NPHP4: variants seen among roughly 807,000 people sequenced by gnomAD.
NPHP4 encodes nephrocystin-4.
Under a neutral mutation model 155.8 loss-of-function variants are expected in NPHP4, and 151 were observed. That is an observed-to-expected ratio of 0.97 (90% confidence interval 0.85 to 1.11). NPHP4 has a LOEUF of 1.11. Ranked by LOEUF, NPHP4 falls within the 50% of genes least tolerant of loss-of-function variation. NPHP4 has a pLI of 0.00. For missense variants in NPHP4, 1,956 were observed against 1,925.7 expected (o/e 1.02, Z -0.29); for synonymous variants, 845 against 816.8 (o/e 1.03, Z -0.59).
At chr1:5,966,517 G>A (rs1450354310) in intron 5 of NPHP4, among the ~76,000 whole-genome samples, 2 of 152,178 alleles carry the variant, frequency 1.3e-5, no homozygotes, top group African/African-American at 4.8e-5. Flanking sequence ...AAAGTGCTGA[G>A]ATTACAAGCC....
chr1:5,923,501 T>C (rs368372673), intron 11 of NPHP4, among the ~76,000 whole-genome samples: 1 of 152,246 alleles, frequency 6.6e-6, no homozygotes, highest in Admixed American at 6.5e-5. Flanking sequence ...TAGCATTCAG[T>C]AGAGCGCGGA....
chr1:5,869,002 C>T (rs1445312071), intron 23 of NPHP4, among the ~76,000 whole-genome samples: 8 of 139,398 alleles, frequency 5.7e-5, no homozygotes, highest in Admixed American at 1.4e-4. Context: ...TGCACACACA[C>T]GCACCCATAC....
chr1:5,961,105 G>A (rs1199403093), intron 6 of NPHP4, among the ~76,000 whole-genome samples: 1 of 152,218 alleles, frequency 6.6e-6, no homozygotes, highest in East Asian at 1.9e-4. Flanking sequence ...CTCTTAGGAT[G>A]AACTAACAGA....
At chr1:5,935,641 G>A (rs903598973) in intron 9 of NPHP4, among the ~76,000 whole-genome samples, 8 of 152,214 alleles carry the variant, frequency 5.3e-5, no homozygotes, top group East Asian at 1.9e-4. Context: ...TTGGGAGGTC[G>A]AGGCGGGTGG....
intron 17 of NPHP4, 98 bp from the exon 18 acceptor site, chr1:5,887,564 C>T: frequency 7.5e-7 from 1 of 1,330,600 alleles, no homozygotes; most frequent in Non-Finnish European, 1.0e-6. Context: ...AGCAGGAAAG[C>T]CACTGTGGGC....
intron 12 of NPHP4, among the ~76,000 whole-genome samples, chr1:5,908,673 G>A (rs1245224928): frequency 3.3e-5 from 5 of 152,322 alleles, no homozygotes; most frequent in Non-Finnish European, 7.4e-5. Context: ...GCGGTCGGAC[G>A]TGCAACTGCC....
At chr1:5,950,649 G>A (rs1277939554) in intron 7 of NPHP4, among the ~76,000 whole-genome samples, 4 of 152,080 alleles carry the variant, frequency 2.6e-5, no homozygotes, top group Non-Finnish European at 4.4e-5. Flanking sequence ...CTGCCTCCAC[G>A]AGAGCAAGCC....
intron 28 of NPHP4, 109 bp from the exon 29 acceptor site, chr1:5,864,142 A>C (rs1396424432): frequency 7.6e-6 from 10 of 1,324,046 alleles, no homozygotes; most frequent in East Asian, 7.5e-5. Context: ...GGGGACCCCC[A>C]CAGAGATAAG....
intron 7 of NPHP4, 46 bp downstream of exon 7, chr1:5,952,654 C>G: frequency 7.0e-7 from 1 of 1,425,834 alleles, no homozygotes; most frequent in Non-Finnish European, 9.4e-7. Context: ...GGGTCCCACC[C>G]CTGCCTGGCC....
Position 5,927,782 on chromosome 1 carries a change from C to A in NPHP4, c.1308G>T (p.Lys436Asn), listed in dbSNP as rs1248411079. 3 of 1,609,712 alleles carry A rather than the reference C, an allele frequency of 1.9e-6. No homozygotes were observed. Among genetic ancestry groups the A allele is most frequent in the African/African-American group, 1.3e-5 (1 of 74,842 alleles). Residue 436 changes from lysine to asparagine, a missense_variant, in exon 11 of 30, where the codon AAG (lysine) becomes AAT (asparagine). By Grantham distance (94) the Lys-to-Asn change is moderately conservative. Transcript: ENST00000378156. The stretch of plus-strand genomic sequence containing the variant: ...ACCGGAGTGTACCCGACTCCACCTG[C>A]TTCACCTGCAATGGACCAGAAGAGC... ...PSASMSSEEVKQVESGTLRFQ... is the reference protein window; with the variant it reads ...PSASMSSEEVNQVESGTLRFQ...
intron 3 of NPHP4, among the ~76,000 whole-genome samples, chr1:5,975,837 T>C (rs1653457715): frequency 1.3e-5 from 2 of 152,124 alleles, no homozygotes; most frequent in African/African-American, 4.8e-5. Flanking sequence ...GAGAGAGGCA[T>C]CCATTCCAAA....
At chr1:5,946,273 C>G (rs1198508749) in intron 9 of NPHP4, among the ~76,000 whole-genome samples, 1 of 152,174 alleles carries the variant, frequency 6.6e-6, no homozygotes, top group Non-Finnish European at 1.5e-5. Flanking sequence ...CTCAAAGAAT[C>G]TACATTAATA....
chr1:5,987,671 G>A (rs978349778), intron 1 of NPHP4, among the ~76,000 whole-genome samples: 2 of 152,156 alleles, frequency 1.3e-5, no homozygotes, highest in African/African-American at 2.4e-5. Context: ...AGACGAAATG[G>A]AAAATACACA....
At chr1:5,980,259 G>C (rs529547353) in intron 2 of NPHP4, among the ~76,000 whole-genome samples, 5 of 152,198 alleles carry the variant, frequency 3.3e-5, no homozygotes, top group Non-Finnish European at 1.5e-5. Flanking sequence ...CGTCTTGGGA[G>C]CCCTGAGTAA....
chr1:5,863,685 C>T (rs1640874275), intron 29 of NPHP4: 1 of 639,918 alleles, frequency 1.6e-6, no homozygotes, highest in African/African-American at 1.8e-5. Context: ...ACACCCTTTC[C>T]CACACTCAGG....
rs1557582880 is a variant in NPHP4, at chr1:5,864,970, C to T, written c.3816+132G>A. The T allele has an allele frequency of 9.4e-6, 8 of 853,748 alleles. No homozygotes were observed. In the East Asian group the frequency reaches 2.1e-4, roughly 23 times the overall value. 52.9% of individuals were successfully genotyped at this position (853,748 alleles called of 1,614,324 possible). On this transcript the variant is annotated intron_variant, in intron 27 of 29. Coordinates refer to ENST00000378156, the MANE Select transcript of NPHP4 (RefSeq NM_015102.5). ...GCAACTGCCGAGAGGCCTCTGGTAACAGCGTCTGCGCGCTGGAGGCGCTGG... is the reference window on the plus strand; with the variant it reads ...GCAACTGCCGAGAGGCCTCTGGTAATAGCGTCTGCGCGCTGGAGGCGCTGG...
chr1:5,980,362 C>A (rs1219452732), intron 2 of NPHP4, among the ~76,000 whole-genome samples: 1 of 152,178 alleles, frequency 6.6e-6, no homozygotes, highest in Non-Finnish European at 1.5e-5. Context: ...GCAGAAAGCC[C>A]ACCGGACTGC....
In NPHP4 at chr1:5,863,338, T is replaced by C; in HGVS notation, c.4208A>G (p.Glu1403Gly). ...ATGGTCATTGATGTAGATCAGGATC[T>C]CCTCCTCACCCACTCTCTGACTAGG... ...FAPSQRVGEE[E>G]ILIYINDHED... Residue 1403 changes from glutamate to glycine, a missense_variant, in exon 30 of 30, where the codon GAG (glutamate) becomes GGG (glycine). By Grantham distance (98) the Glu-to-Gly change is moderately conservative. Coordinates refer to ENST00000378156, the MANE Select transcript of NPHP4 (RefSeq NM_015102.5). 6.2e-7 allele frequency: 1 copy of C among 1,613,956 alleles called. No homozygotes were observed.
At chr1:5,901,463 C>T (rs925862090) in intron 16 of NPHP4, among the ~76,000 whole-genome samples, 1 of 152,220 alleles carries the variant, frequency 6.6e-6, no homozygotes, top group African/African-American at 2.4e-5. Context: ...TTTTTTTGGA[C>T]TTCAACTTAA....
Sources: allele counts gnomAD v4.1 joint callset (sites outside exome capture counted in the v4.1 genomes callset), GRCh38; gene constraint gnomAD v4.1.1; transcripts MANE v1.5; gene names NCBI Gene and HGNC (gene_info 2026-07-23, HGNC 2026-07-21).